The following TBC1D3B variants were observed in gnomAD, a reference collection of about 807,000 sequenced individuals.
The protein encoded by TBC1D3B is Rab GTPase-activating protein PRC17 duplicate.
A neutral mutation model predicts 27.1 loss-of-function variants in TBC1D3B; 2 were observed. The observed-to-expected ratio is 0.07, with a 90% confidence interval of 0.03 to 0.23. TBC1D3B has a LOEUF of 0.23. Ranked by LOEUF, TBC1D3B falls within the 10% of genes least tolerant of loss-of-function variation. The probability of loss-of-function intolerance (pLI) is 1.00; values close to 1 mark genes in which losing one functional copy is unlikely to be tolerated. For synonymous variants in TBC1D3B, 3 were observed against 150.1 expected (o/e 0.02, Z 7.16); for missense variants, 17 against 401.3 (o/e 0.04, Z 8.18).
chr17:36,175,586 G>A (rs1417287837), intron 1 of TBC1D3B, among the ~76,000 whole-genome samples: 5 of 101,848 alleles, frequency 4.9e-5, no homozygotes, highest in South Asian at 7.5e-4. Flanking sequence ...TAGGAATAAC[G>A]CCTGTTGAGC....
At chr17:36,171,520 G>T (rs1407254182) in intron 7 of TBC1D3B, among the ~76,000 whole-genome samples, 1 of 151,372 alleles carries the variant, frequency 6.6e-6, no homozygotes, top group South Asian at 2.1e-4. Context: ...TGCCTGGGGG[G>T]GCTCATGGGC....
At chr17:36,169,333 G>A (rs1399486486) in intron 9 of TBC1D3B, among the ~76,000 whole-genome samples, 159 bp from the exon 10 acceptor site, 2 of 149,848 alleles carry the variant, frequency 1.3e-5, no homozygotes, top group East Asian at 3.9e-4. Context: ...CTGGGGAGGT[G>A]GGGCGGGAAC....
In TBC1D3B at chr17:36,165,753, G is replaced by C; in HGVS notation, c.*242C>G. The C allele has an allele frequency of 2.1e-6, 2 of 932,766 alleles. No homozygotes were observed. The highest frequency in any genetic ancestry group is 3.3e-6 in the Non-Finnish European group (2 of 609,846). The allele number at this position is 932,766 out of a possible 1,614,324, so 57.8% of individuals were successfully genotyped here. On this transcript the variant is annotated 3_prime_UTR_variant, in exon 14 of 14. Transcript: ENST00000611257. ...TCCATGAGTTTAAAGTACAAAGGCA[G>C]GCTCACGGTGTCGTCAGAATTCAGA...
chr17:36,170,015 C>A lies in TBC1D3B; in HGVS notation c.547-4G>T. ...GGTCCCTGCAGTAGCCCACCTCCTG[C>A]AAGAGCCAGAGTCACCATGGAAGGA... On this transcript the variant is annotated splice_region_variant and splice_polypyrimidine_tract_variant and intron_variant, in intron 8 of 13. Coordinates refer to ENST00000611257, the MANE Select transcript of TBC1D3B (RefSeq NM_001001417.7). 1 of 196,228 alleles carries A rather than the reference C, an allele frequency of 5.1e-6. No individual in the cohort carries two copies. Among genetic ancestry groups the A allele is most frequent in the South Asian group, 2.7e-5 (1 of 37,368 alleles). 12.2% of individuals were successfully genotyped at this position (196,228 alleles called of 1,614,324 possible). A position where few individuals can be genotyped will look rare whatever the true frequency, so the allele number is the denominator to read the frequency against.
Position 36,165,724 on chromosome 17 carries a change from T to C in TBC1D3B, c.*271A>G. 3.0e-6 allele frequency: 3 copies of C among 994,084 alleles called. No individual in the cohort carries two copies. The highest frequency in any genetic ancestry group is 2.8e-4 in the Middle Eastern group (1 of 3,624). The allele number at this position is 994,084 out of a possible 1,614,324, so 61.6% of individuals were successfully genotyped here. On this transcript the variant is annotated 3_prime_UTR_variant, in exon 14 of 14. Transcript: ENST00000611257. ...TTATTTCAAAACGTGAAGGTAGTTATCCTTCCATGAGTTTAAAGTACAAAG... is the reference window on the plus strand; with the variant it reads ...TTATTTCAAAACGTGAAGGTAGTTACCCTTCCATGAGTTTAAAGTACAAAG...
At chr17:36,171,552 G>C (rs1323131987) in intron 7 of TBC1D3B, among the ~76,000 whole-genome samples, 2 of 150,950 alleles carry the variant, frequency 1.3e-5, no homozygotes, top group Admixed American at 1.3e-4. Flanking sequence ...CCACCCTCCC[G>C]TGGGTCCTAC....
chr17:36,167,047 GC>G (rs2068266568), intron 13 of TBC1D3B, among the ~76,000 whole-genome samples: 1 of 104,850 alleles, frequency 9.5e-6, no homozygotes, highest in Non-Finnish European at 2.8e-5. Context: ...CTGGCTCTGG[GC>G]CCGGGGTCCC....
At chr17:36,171,810 A>G (rs2068363044) in intron 7 of TBC1D3B, 45 bp downstream of exon 7, 1 of 753,094 alleles carries the variant, frequency 1.3e-6, no homozygotes, top group East Asian at 2.3e-5. Flanking sequence ...CATCCCTCTC[A>G]TTCACCCCAT....
At chr17:36,175,113 T>C (rs1272262682) in intron 1 of TBC1D3B, 62 bp from the exon 2 acceptor site, 26,707 of 384,138 alleles carry the variant, frequency 0.07, 10,070 homozygotes, top group African/African-American at 0.28. Flanking sequence ...ACACCTGAAC[T>C]GCTCTCGCCG....
rs2068391271 is a variant in TBC1D3B at position 36,172,851 on chromosome 17, GC to G, written c.272del (p.Ser91ThrfsTer5). On this transcript the variant is annotated frameshift_variant, in exon 5 of 14. Coordinates refer to ENST00000611257, the MANE Select transcript of TBC1D3B (RefSeq NM_001001417.7). LOFTEE classifies it high-confidence loss of function. Reference sequence around the variant, plus strand: ...TCCTCCCTCCACACGTTACCTTTCTGCTGCTTTTGTATTTCTCCCAGTCTCC... The same window carrying G: ...TCCTCCCTCCACACGTTACCTTTCTGTGCTTTTGTATTTCTCCCAGTCTCC... ...MLGDWEKYKS[S>X]RKLIDRAYKG... The G allele has an allele frequency of 2.8e-6, 1 of 357,958 alleles. No homozygotes were observed. Among genetic ancestry groups the G allele is most frequent in the African/African-American group, 2.3e-5 (1 of 42,570 alleles). The allele number at this position is 357,958 out of a possible 1,614,324, so 22.2% of individuals were successfully genotyped here. A position where few individuals can be genotyped will look rare whatever the true frequency, so the allele number is the denominator to read the frequency against.
chr17:36,167,058 C>G (rs1186173135), intron 13 of TBC1D3B, among the ~76,000 whole-genome samples: 1 of 106,354 alleles, frequency 9.4e-6, no homozygotes, highest in East Asian at 2.1e-4. Context: ...CCCGGGGTCC[C>G]GCCTGTGCCC....
Position 36,171,887 on chromosome 17 carries a change from CT to C in TBC1D3B, c.464del (p.Lys155SerfsTer36). 6.3e-7 allele frequency: 1 copy of C among 1,594,586 alleles called. No homozygotes were observed. The highest frequency in any genetic ancestry group is 1.1e-5 in the South Asian group (1 of 90,708). On this transcript the variant is annotated frameshift_variant, in exon 7 of 14. Transcript: ENST00000611257. LOFTEE classifies it high-confidence loss of function. ...IDRDISGTLR[K>X]HMFFRDRYGT... The stretch of plus-strand genomic sequence containing the variant: ...CGTATCGATCCCTGAAGAACATATG[CT>C]TCCTTAATGTCCCGCTTATGTCCCG...
chr17:36,169,534 C>T (rs1406933847), intron 9 of TBC1D3B, among the ~76,000 whole-genome samples: 6 of 148,828 alleles, frequency 4.0e-5, no homozygotes, highest in East Asian at 3.9e-4. Context: ...TGGGCTTGGT[C>T]GGCCCATTCG....
rs1203861847 is a variant in TBC1D3B at position 36,171,386 on chromosome 17, A to G, written c.497+469T>C. Among the ~76,000 whole-genome samples the G allele has an allele frequency of 6.0e-5, 9 of 150,936 alleles. 1 individual carries two copies. Among genetic ancestry groups the G allele is most frequent in the Admixed American group, 3.3e-4 (5 of 15,110 alleles). On this transcript the variant is annotated intron_variant, in intron 7 of 13. Transcript: ENST00000611257. Reference sequence around the variant, plus strand: ...CTTTGGGGATGTGTGGTTCAAGTCCATCGAGCTTTGTGAGCCACTGCCCAA... The same window carrying G: ...CTTTGGGGATGTGTGGTTCAAGTCCGTCGAGCTTTGTGAGCCACTGCCCAA...
chr17:36,175,627 G>C (rs2068411457), intron 1 of TBC1D3B, among the ~76,000 whole-genome samples: 3 of 95,904 alleles, frequency 3.1e-5, no homozygotes, highest in African/African-American at 1.0e-4. Flanking sequence ...GGATGAGGAA[G>C]ATCTATTGTA....
chr17:36,167,876 CACTCTCGACT>C (rs2068284130), intron 12 of TBC1D3B, among the ~76,000 whole-genome samples, 180 bp from the exon 13 acceptor site: 2 of 103,428 alleles, frequency 1.9e-5, no homozygotes, highest in Non-Finnish European at 2.6e-5. Context: ...GTGCTCACCA[CACTCTCGACT>C]TTCATCTGGG....
intron 9 of TBC1D3B, 135 bp from the exon 10 acceptor site, chr17:36,169,309 A>G: frequency 1.4e-6 from 2 of 1,425,278 alleles, no homozygotes; most frequent in Non-Finnish European, 9.9e-7. Flanking sequence ...TGACCCCAAC[A>G]TGCGGCCTTT....
intron 8 of TBC1D3B, 27 bp from the exon 9 acceptor site, chr17:36,170,038 G>C: frequency 5.6e-6 from 1 of 178,956 alleles, no homozygotes; most frequent in Non-Finnish European, 1.1e-5. Flanking sequence ...CACCATGGAA[G>C]GACATCACCT....
rs1206253369 is a variant in TBC1D3B at position 36,167,034 on chromosome 17, G to A, written c.1082-471C>T. 2.0e-3 allele frequency among the ~76,000 whole-genome samples: 201 copies of A among 103,052 alleles called. No individual in the cohort carries two copies. In the East Asian group the frequency reaches 0.03, roughly 15 times the overall value. 67.6% of individuals were successfully genotyped at this position (103,052 alleles called of 152,430 possible). A position where few individuals can be genotyped will look rare whatever the true frequency, so the allele number is the denominator to read the frequency against. On this transcript the variant is annotated intron_variant, in intron 13 of 13. Coordinates refer to ENST00000611257, the MANE Select transcript of TBC1D3B (RefSeq NM_001001417.7). ...GTTCCCACTTCTGGCTGAACTCTTG[G>A]CTCTGGCTCTGGGCCCGGGGTCCCG... is the stretch of plus-strand genomic sequence containing the variant.
Sources: allele counts gnomAD v4.1 joint callset (sites outside exome capture counted in the v4.1 genomes callset), GRCh38; gene constraint gnomAD v4.1.1; transcripts MANE v1.5; gene names NCBI Gene and HGNC (gene_info 2026-07-23, HGNC 2026-07-21).